CROT: variants seen among roughly 807,000 people sequenced by gnomAD.
The protein encoded by CROT is peroxisomal carnitine O-octanoyltransferase.
A neutral mutation model predicts 89.2 loss-of-function variants in CROT; 84 were observed. The ratio of observed to expected loss-of-function variants is 0.94; its 90% CI spans 0.79 to 1.13. The LOEUF (loss-of-function observed/expected upper bound fraction) is 1.13, where lower values mean the gene tolerates loss of function less well. CROT is among the 50% of genes most tolerant of loss of function. The pLI is 0.00. For synonymous variants in CROT, 212 were observed against 239.5 expected (o/e 0.89, Z 1.06); for missense variants, 711 against 727.8 (o/e 0.98, Z 0.27).
chr7:87,375,486 G>C, intron 7 of CROT, 146 bp from the exon 8 acceptor site: 1 of 570,770 alleles, frequency 1.8e-6, no homozygotes, highest in Non-Finnish European at 3.1e-6. Context: ...AATATGTGAT[G>C]TAGGAAATCT....
chr7:87,372,755 G>A (rs1806683697), intron 7 of CROT, among the ~76,000 whole-genome samples: 1 of 151,970 alleles, frequency 6.6e-6, no homozygotes, highest in African/African-American at 2.4e-5. Context: ...TGTTTTCAAG[G>A]TTCATCCGTG....
intron 6 of CROT, among the ~76,000 whole-genome samples, chr7:87,364,114 A>T (rs1484761564): frequency 1.3e-5 from 2 of 152,198 alleles, no homozygotes; most frequent in African/African-American, 4.8e-5. Flanking sequence ...TAGACATCTA[A>T]GTGGAAATGT....
chr7:87,345,764 A>G lies in CROT; in HGVS notation c.-116A>G, dbSNP rs926071906. 9 of 302,988 alleles carry G rather than the reference A, an allele frequency of 3.0e-5. No individual in the cohort carries two copies. The South Asian group carries it at 9.7e-4, about 33-fold the overall frequency. 18.8% of individuals were successfully genotyped at this position (302,988 alleles called of 1,614,324 possible). On this transcript the variant is annotated 5_prime_UTR_variant, in exon 1 of 18. Coordinates refer to ENST00000331536, the MANE Select transcript of CROT (RefSeq NM_021151.4). ...GGCGAGGCGCGGGCGGTGAGGACGG[A>G]CAGGTCCGTTGAAGCAGCATTCCCT... is the stretch of plus-strand genomic sequence containing the variant.
chr7:87,380,976 C>A lies in CROT; in HGVS notation c.979-934C>A, dbSNP rs572238497. Among the ~76,000 whole-genome samples the A allele has an allele frequency of 2.0e-5, 3 of 152,282 alleles. No homozygotes were observed. The East Asian group carries it at 5.8e-4, about 29-fold the overall frequency. On this transcript the variant is annotated intron_variant, in intron 10 of 17. Coordinates refer to ENST00000331536, the MANE Select transcript of CROT (RefSeq NM_021151.4). ...TCTTATACTGACCTCCCTCAAGAGCCTTTCCTGATGTAGTTGTTGCCTGGT... is the reference window on the plus strand; with the variant it reads ...TCTTATACTGACCTCCCTCAAGAGCATTTCCTGATGTAGTTGTTGCCTGGT...
chr7:87,359,870 G>C (rs1223266916), intron 4 of CROT: 1 of 985,778 alleles, frequency 1.0e-6, no homozygotes, highest in African/African-American at 1.7e-5. Flanking sequence ...AACTTCTTCA[G>C]CTCAACCATT....
chr7:87,384,237 T>C (rs1221027476), intron 13 of CROT, among the ~76,000 whole-genome samples: 1 of 152,092 alleles, frequency 6.6e-6, no homozygotes, highest in Non-Finnish European at 1.5e-5. Flanking sequence ...GAAATGTCTA[T>C]TAAGATCATT....
intron 3 of CROT, among the ~76,000 whole-genome samples, chr7:87,357,940 G>T (rs143355105): frequency 0.017 from 2,648 of 152,184 alleles, 62 homozygotes; most frequent in Admixed American, 0.075. Context: ...GTATCTGTAG[G>T]CTGTTCACTC....
In CROT at chr7:87,349,139, C is replaced by T. The variant is rs201700761; in HGVS notation, c.71C>T (p.Pro24Leu). Residue 24 changes from proline to leucine, a missense_variant, in exon 3 of 18, where the codon CCT (proline) becomes CTT (leucine). Physicochemically the swap from Pro to Leu is moderately conservative, Grantham distance 98 (BLOSUM62 -3). Coordinates refer to ENST00000331536, the MANE Select transcript of CROT (RefSeq NM_021151.4). ...TACCAGGATTCTCTTCCATCACTGC[C>T]TGTTCCTTCACTTGAAGAATCATTA... ...FQYQDSLPSL[P>L]VPSLEESLKK... The T allele has an allele frequency of 1.2e-6, 2 of 1,604,910 alleles. No individual in the cohort carries two copies. The highest frequency in any genetic ancestry group is 1.7e-6 in the Non-Finnish European group (2 of 1,174,094).
At chr7:87,396,411 TA>T (rs2116236424) in intron 17 of CROT, among the ~76,000 whole-genome samples, 1 of 152,320 alleles carries the variant, frequency 6.6e-6, no homozygotes, top group Non-Finnish European at 1.5e-5. Flanking sequence ...TGATGTTAGA[TA>T]ATCTCACAGA....
intron 7 of CROT, among the ~76,000 whole-genome samples, chr7:87,371,190 T>C (rs1248283548): frequency 6.6e-6 from 1 of 152,208 alleles, no homozygotes; most frequent in Non-Finnish European, 1.5e-5. Context: ...TCCTATGTTC[T>C]AGAATTTTGT....
At chr7:87,374,138 TA>T (rs1806731137) in intron 7 of CROT, among the ~76,000 whole-genome samples, 1 of 152,228 alleles carries the variant, frequency 6.6e-6, no homozygotes, top group South Asian at 2.1e-4. Flanking sequence ...GTAATGCAGA[TA>T]TTTTTAATAC....
Position 87,369,414 on chromosome 7 carries a change from T to G in CROT, c.586T>G (p.Cys196Gly), listed in dbSNP as rs1253185888. 5 of 1,613,214 alleles carry G rather than the reference T, an allele frequency of 3.1e-6. No homozygotes were observed. The African/African-American group carries it at 6.7e-5, about 22-fold the overall frequency. Residue 196 changes from cysteine (C) to glycine (G), a missense_variant, in exon 7 of 18, where the codon TGT becomes GGT. Cys to Gly is a radical substitution (Grantham distance 159). Transcript: ENST00000331536. ...GRSPNHIVVL[C>G]RGRAFVFDVI... is the part of the protein sequence containing the mutation. Reference sequence around the variant, plus strand: ...TTCCCCAAACCACATTGTAGTGCTGTGTCGAGGCCGAGCTTTTGTCTTTGA... The same window carrying G: ...TTCCCCAAACCACATTGTAGTGCTGGGTCGAGGCCGAGCTTTTGTCTTTGA...
rs1174423584 is a variant in CROT at position 87,358,321 on chromosome 7, C to CA, written c.116-873dup. Reference sequence around the variant, plus strand: ...TGAAACCCCGTCTCTACTAAAAATACAAAAAAAAAAAAGAGCCAGGAGTGG... The same window carrying CA: ...TGAAACCCCGTCTCTACTAAAAATACAAAAAAAAAAAAAGAGCCAGGAGTGG... On this transcript the variant is annotated intron_variant, in intron 3 of 17. Transcript: ENST00000331536. 6.8e-3 allele frequency among the ~76,000 whole-genome samples: 927 copies of CA among 136,226 alleles called. 5 individuals carry two copies. The highest frequency in any genetic ancestry group is 0.021 in the African/African-American group (795 of 37,260). 89.4% of individuals were successfully genotyped at this position (136,226 alleles called of 152,430 possible).
intron 4 of CROT, among the ~76,000 whole-genome samples, chr7:87,360,499 C>T (rs1806233297): frequency 6.6e-6 from 1 of 152,102 alleles, no homozygotes; most frequent in African/African-American, 2.4e-5. Flanking sequence ...CACCACCACA[C>T]CCAACTGATT....
At chr7:87,375,750 G>A (rs778093648) in intron 8 of CROT, 25 bp downstream of exon 8, 12 of 1,612,160 alleles carry the variant, frequency 7.4e-6, no homozygotes, top group South Asian at 1.1e-5. Flanking sequence ...TTTTCTTAAC[G>A]AAGCTTTTCT....
intron 3 of CROT, among the ~76,000 whole-genome samples, chr7:87,356,367 T>C (rs919132196): frequency 3.3e-5 from 5 of 152,224 alleles, no homozygotes; most frequent in Admixed American, 6.5e-5. Flanking sequence ...TTTTGCCTTT[T>C]CACATTTTGT....
Position 87,346,416 on chromosome 7 carries a change from C to T in CROT, c.-36C>T, listed in dbSNP as rs994005049. 6.6e-6 allele frequency: 1 copy of T among 152,226 alleles called. No individual in the cohort carries two copies. The allele number at this position is 152,226 out of a possible 1,614,324, so 9.4% of individuals were successfully genotyped here. On this transcript the variant is annotated 5_prime_UTR_variant, in exon 2 of 18. Coordinates refer to ENST00000331536, the MANE Select transcript of CROT (RefSeq NM_021151.4). ...CTCCTGGCAGTCTCAAGCAGTTCATCTTCTTGGTGTACTGGTATGTGACAA... is the reference window on the plus strand; with the variant it reads ...CTCCTGGCAGTCTCAAGCAGTTCATTTTCTTGGTGTACTGGTATGTGACAA...
At chr7:87,368,380 G>A (rs1244244509) in intron 6 of CROT, among the ~76,000 whole-genome samples, 1 of 152,110 alleles carries the variant, frequency 6.6e-6, no homozygotes, top group Non-Finnish European at 1.5e-5. Context: ...GGAGATGACA[G>A]CAATAAAAGA....
At chr7:87,350,962 G>C (rs957262160) in intron 3 of CROT, among the ~76,000 whole-genome samples, 3 of 151,762 alleles carry the variant, frequency 2.0e-5, no homozygotes, top group African/African-American at 4.8e-5. Flanking sequence ...TTTTTTGTTT[G>C]TTTCAGTAGA....
Sources: gnomAD v4.1 joint callset for allele counts (sites outside exome capture counted in the v4.1 genomes callset) on GRCh38, gnomAD v4.1.1 for gene constraint, MANE v1.5 for transcripts, NCBI Gene and HGNC (gene_info 2026-07-23, HGNC 2026-07-21) for gene names.